Variants in COL4A1 observed in about 807,000 individuals in gnomAD.
The protein encoded by COL4A1 is collagen type IV alpha 1 chain.
A neutral mutation model predicts 216.6 loss-of-function variants in COL4A1; 40 were observed. The ratio of observed to expected loss-of-function variants is 0.18; its 90% CI spans 0.14 to 0.24. The LOEUF (loss-of-function observed/expected upper bound fraction) is 0.24. Among genes scored for constraint, COL4A1 ranks in the 10% least tolerant of loss-of-function variants. The pLI, the probability that COL4A1 is intolerant of heterozygous loss-of-function variation, is 1.00. For synonymous variants in COL4A1, 839 were observed against 810.7 expected (o/e 1.03, Z -0.59); for missense variants, 1,628 against 2,196.8 (o/e 0.74, Z 5.18).
intron 28 of COL4A1, 100 bp from the exon 29 acceptor site, chr13:110,181,489 AC>A (rs1878152988): frequency 8.2e-7 from 1 of 1,226,852 alleles, no homozygotes; most frequent in African/African-American, 1.5e-5. Context: ...AGAGATGCCG[AC>A]CTGATCTGAG....
intron 2 of COL4A1, among the ~76,000 whole-genome samples, chr13:110,230,881 G>A (rs772887646): frequency 3.3e-5 from 5 of 152,174 alleles, no homozygotes; most frequent in Non-Finnish European, 5.9e-5. Flanking sequence ...CCTGATGTGT[G>A]GTCCAGGCAG....
intron 49 of COL4A1, among the ~76,000 whole-genome samples, chr13:110,160,865 C>T (rs60015252): frequency 0.012 from 1,757 of 152,220 alleles, 38 homozygotes; most frequent in African/African-American, 0.04. Flanking sequence ...CACACCACCA[C>T]GCCCAGCTAA....
intron 2 of COL4A1, among the ~76,000 whole-genome samples, chr13:110,218,860 G>C (rs538913020): frequency 1.3e-5 from 2 of 152,332 alleles, no homozygotes; most frequent in South Asian, 4.1e-4. Context: ...TTCAGGGAAT[G>C]AAAGCCCTCA....
intron 50 of COL4A1, among the ~76,000 whole-genome samples, chr13:110,153,884 G>A (rs986133861): frequency 1.6e-4 from 24 of 152,138 alleles, no homozygotes; most frequent in African/African-American, 4.6e-4. Flanking sequence ...AATGGTGGGC[G>A]CCTCGCACAC....
At chr13:110,208,594 G>C (rs1879625864) in intron 12 of COL4A1, among the ~76,000 whole-genome samples, 1 of 152,340 alleles carries the variant, frequency 6.6e-6, no homozygotes, top group Non-Finnish European at 1.5e-5. Context: ...TCTTTGTACA[G>C]ATAATTGGAG....
intron 1 of COL4A1, among the ~76,000 whole-genome samples, chr13:110,254,728 G>T (rs1445101863): frequency 6.6e-6 from 1 of 152,108 alleles, no homozygotes; most frequent in African/African-American, 2.4e-5. Context: ...TTCCAGTGGA[G>T]ATTTGGAATG....
intron 24 of COL4A1, chr13:110,191,485 G>T: frequency 2.2e-6 from 1 of 460,808 alleles, no homozygotes; most frequent in Non-Finnish European, 3.8e-6. Context: ...GTCATTATAT[G>T]CAAGAAAATA....
Position 110,159,671 on chromosome 13 carries a change from T to G in COL4A1, c.4640+1521A>C, listed in dbSNP as rs561691790. ...CACACCCATGTTCATAGCAGCATTG[T>G]TCACAATAGCTGAGGTGTGGACAAA... On this transcript the variant is annotated intron_variant, in intron 49 of 51. Coordinates refer to ENST00000375820, the MANE Select transcript of COL4A1 (RefSeq NM_001845.6). Among the ~76,000 whole-genome samples the G allele has an allele frequency of 2.0e-5, 3 of 152,352 alleles. No individual in the cohort carries two copies. In the East Asian group the frequency reaches 5.8e-4, roughly 29 times the overall value.
At chr13:110,183,937 C>T (rs143386749) in intron 26 of COL4A1, among the ~76,000 whole-genome samples, 8 of 152,322 alleles carry the variant, frequency 5.3e-5, no homozygotes, top group East Asian at 1.9e-4. Flanking sequence ...CAAGAATGCA[C>T]GCACTGAATC....
chr13:110,174,564 T>C (rs1421876873), intron 38 of COL4A1, 38 bp from the exon 39 acceptor site: 5 of 1,614,150 alleles, frequency 3.1e-6, no homozygotes, highest in African/African-American at 1.3e-5. Flanking sequence ...ATCCATAAGT[T>C]TGGGCTTTTC....
At chr13:110,261,524 A>G (rs1248582962) in intron 1 of COL4A1, among the ~76,000 whole-genome samples, 5 of 152,216 alleles carry the variant, frequency 3.3e-5, no homozygotes, top group Non-Finnish European at 7.3e-5. Flanking sequence ...TTTTAGATCA[A>G]GTGGAGTTCC....
intron 2 of COL4A1, among the ~76,000 whole-genome samples, chr13:110,233,917 A>G (rs560981431): frequency 6.6e-6 from 1 of 152,354 alleles, no homozygotes; most frequent in South Asian, 2.1e-4. Context: ...CTGGGTTTCC[A>G]GGCTTCACCT....
At chr13:110,294,422 C>G (rs1884192669) in intron 1 of COL4A1, among the ~76,000 whole-genome samples, 1 of 152,236 alleles carries the variant, frequency 6.6e-6, no homozygotes, top group African/African-American at 2.4e-5. Flanking sequence ...TCCACAGCCT[C>G]CCTCCCATTC....
rs751151212 is a variant in COL4A1 at position 110,181,417 on chromosome 13, C to A, written c.2096-28G>T. The A allele has an allele frequency of 2.1e-4, 305 of 1,443,300 alleles. No homozygotes were observed. Among genetic ancestry groups the A allele is most frequent in the Non-Finnish European group, 2.2e-4 (230 of 1,032,298 alleles). 89.4% of individuals were successfully genotyped at this position (1,443,300 alleles called of 1,614,324 possible). A position where few individuals can be genotyped will look rare whatever the true frequency, so the allele number is the denominator to read the frequency against. Reference sequence around the variant, plus strand: ...GTTTTAAAGAGTCAAAAAAAAAAAACAAACAAACAATCATTGCGATTACAA... The same window carrying A: ...GTTTTAAAGAGTCAAAAAAAAAAAAAAAACAAACAATCATTGCGATTACAA... On this transcript the variant is annotated intron_variant, in intron 28 of 51. Coordinates refer to ENST00000375820, the MANE Select transcript of COL4A1 (RefSeq NM_001845.6).
chr13:110,214,104 T>TA (rs146035833), intron 2 of COL4A1, 89 bp from the exon 3 acceptor site: 32 of 1,027,726 alleles, frequency 3.1e-5, no homozygotes, highest in Middle Eastern at 4.5e-4. Flanking sequence ...TATATATATA[T>TA]TTTTTTTGAG....
chr13:110,160,408 AGT>A (rs2138426656), intron 49 of COL4A1, among the ~76,000 whole-genome samples: 1 of 116,902 alleles, frequency 8.6e-6, no homozygotes, highest in African/African-American at 3.1e-5. Context: ...GCGCCACTGC[AGT>A]CCGCAGTCCG....
At position 110,170,626 on chromosome 13, in the gene COL4A1, C is replaced by A. The variant is rs371631013; in HGVS notation, c.3663G>T (p.Pro1221=). ...CATGGCCTGGGGATCCCGGTAACCC[C>A]GGCTGTCCCTGGGGCCCCGGAGGAC... ...FMGPPGPQGQ[P]GLPGSPGHAT... is the part of the protein sequence containing the mutation. The change falls in exon 42 of 52, where the codon CCG becomes CCT. Residue 1221 remains proline (P), a synonymous_variant. Transcript: ENST00000375820. 6 of 1,612,702 alleles carry A rather than the reference C, an allele frequency of 3.7e-6. No homozygotes were observed. In the African/African-American group the frequency reaches 4.0e-5, roughly 11 times the overall value.
At chr13:110,230,214 T>C (rs145379677) in intron 2 of COL4A1, among the ~76,000 whole-genome samples, 333 of 152,056 alleles carry the variant, frequency 2.2e-3, no homozygotes, top group Non-Finnish European at 3.7e-3. Context: ...GTGTGTTCCA[T>C]GTATATGTAA....
At chr13:110,256,759 G>A (rs11839513) in intron 1 of COL4A1, among the ~76,000 whole-genome samples, 54 of 152,110 alleles carry the variant, frequency 3.6e-4, no homozygotes, top group African/African-American at 1.1e-3. Flanking sequence ...GGGTCTATCC[G>A]ATACTTTCAG....
Sources: gnomAD v4.1 joint callset for allele counts (sites outside exome capture counted in the v4.1 genomes callset) on GRCh38, gnomAD v4.1.1 for gene constraint, MANE v1.5 for transcripts, NCBI Gene and HGNC (gene_info 2026-07-23, HGNC 2026-07-21) for gene names.